Variants in KCNK10 observed in about 807,000 individuals in gnomAD.
KCNK10 encodes the protein potassium channel subfamily K member 10.
A neutral mutation model predicts 47.7 loss-of-function variants in KCNK10; 25 were observed. That is an observed-to-expected ratio of 0.52 (90% CI 0.38 to 0.73). KCNK10 has a LOEUF of 0.73. Ranked by LOEUF, KCNK10 falls within the 30% of genes least tolerant of loss-of-function variation. The pLI, the probability that KCNK10 is intolerant of heterozygous loss-of-function variation, is 0.00. For missense variants in KCNK10, 563 were observed against 714.5 expected, an observed-to-expected ratio of 0.79 and a Z score of 2.42; for synonymous variants, 303 against 285.6, an observed-to-expected ratio of 1.06 and a Z score of -0.61.
intron 1 of KCNK10, among the ~76,000 whole-genome samples, chr14:88,306,735 A>C (rs936466848): frequency 1.1e-4 from 16 of 152,186 alleles, no homozygotes; most frequent in African/African-American, 3.9e-4. Flanking sequence ...ATAGTGTTTC[A>C]TTACAATCTA....
At chr14:88,310,629 A>G (rs1047265381) in intron 1 of KCNK10, among the ~76,000 whole-genome samples, 7 of 152,160 alleles carry the variant, frequency 4.6e-5, no homozygotes, top group African/African-American at 1.7e-4. Flanking sequence ...CTCCTATAGA[A>G]ACTGCGTTCT....
intron 4 of KCNK10, among the ~76,000 whole-genome samples, chr14:88,204,800 C>T (rs1885212948): frequency 1.3e-5 from 2 of 152,118 alleles, no homozygotes; most frequent in Non-Finnish European, 2.9e-5. Context: ...TCCCATATAG[C>T]CCCCGCCCCA....
intron 2 of KCNK10, among the ~76,000 whole-genome samples, chr14:88,252,369 G>A (rs1046048564): frequency 9.9e-5 from 15 of 152,130 alleles, no homozygotes; most frequent in African/African-American, 3.4e-4. Flanking sequence ...AGCACAGTAG[G>A]CAATCAACAA....
At chr14:88,247,793 C>T (rs151039209) in intron 2 of KCNK10, among the ~76,000 whole-genome samples, 2 of 152,122 alleles carry the variant, frequency 1.3e-5, no homozygotes, top group African/African-American at 2.4e-5. Context: ...TATTCACTAA[C>T]GACTAATCTA....
rs35179933 is a variant in KCNK10, at chr14:88,322,408, G to GACAC, written c.52+335_52+338dup. The stretch of plus-strand genomic sequence containing the variant: ...GAGACAAAGATCACCAGAAACAAAG[G>GACAC]ACACACACACACACACACACACACA... On this transcript the variant is annotated intron_variant, in intron 1 of 6. Transcript: ENST00000319231. The surrounding 1 kb of genome is among the most constrained non-coding windows in gnomAD (Gnocchi z 4.8). Among the ~76,000 whole-genome samples, 5,159 of 150,104 alleles carry GACAC rather than the reference G, an allele frequency of 0.034. 130 individuals carry two copies. Among genetic ancestry groups the GACAC allele is most frequent in the African/African-American group, 0.076 (3,115 of 40,746 alleles).
rs1884434631 is a variant in KCNK10 at position 88,183,447 on chromosome 14, T to A, written c.*2088A>T. The A allele has an allele frequency of 6.6e-6, 1 of 152,418 alleles. No individual in the cohort carries two copies. Among genetic ancestry groups the A allele is most frequent in the Non-Finnish European group, 1.5e-5 (1 of 68,064 alleles). The allele number at this position is 152,418 out of a possible 1,614,324, so 9.4% of individuals were successfully genotyped here. A position where few individuals can be genotyped will look rare whatever the true frequency, so the allele number is the denominator to read the frequency against. Reference sequence around the variant, plus strand: ...TCCATGGACAGTTTAATTAGGAAGCTTCGACTTGTTAGAATAACAGAGGAA... The same window carrying A: ...TCCATGGACAGTTTAATTAGGAAGCATCGACTTGTTAGAATAACAGAGGAA... On this transcript the variant is annotated 3_prime_UTR_variant, in exon 7 of 7. Transcript: ENST00000319231.
intron 4 of KCNK10, among the ~76,000 whole-genome samples, chr14:88,202,156 A>G (rs17124250): frequency 0.022 from 3,292 of 152,284 alleles, 66 homozygotes; most frequent in African/African-American, 0.046. Flanking sequence ...ATGTTAGGAG[A>G]AAGATTAGAA....
chr14:88,191,278 A>AC (rs1884739014), intron 5 of KCNK10, among the ~76,000 whole-genome samples: 1 of 150,884 alleles, frequency 6.6e-6, no homozygotes, highest in Non-Finnish European at 1.5e-5. Flanking sequence ...AACAAAAACA[A>AC]AAAAAAACAG....
chr14:88,211,561 G>C (rs552924226), intron 4 of KCNK10, among the ~76,000 whole-genome samples: 2 of 152,268 alleles, frequency 1.3e-5, no homozygotes, highest in African/African-American at 4.8e-5. Context: ...CTTGAAGCAG[G>C]CTCTAAAGTA....
chr14:88,272,480 A>AT (rs1226334923), intron 1 of KCNK10, among the ~76,000 whole-genome samples: 2 of 152,018 alleles, frequency 1.3e-5, no homozygotes, highest in African/African-American at 4.8e-5. Context: ...CGGAACAGCA[A>AT]TGGGGGGGCA....
intron 1 of KCNK10, among the ~76,000 whole-genome samples, chr14:88,274,833 A>C (rs1457015839): frequency 1.3e-5 from 2 of 152,094 alleles, no homozygotes; most frequent in African/African-American, 4.8e-5. Flanking sequence ...ACCAATCTCC[A>C]CACCCCACAT....
chr14:88,296,312 C>T (rs1887983234), intron 1 of KCNK10, among the ~76,000 whole-genome samples: 1 of 152,200 alleles, frequency 6.6e-6, no homozygotes, highest in Non-Finnish European at 1.5e-5. Context: ...AAGTTTTTTA[C>T]CCTCTCTGAG....
Position 88,322,689 on chromosome 14 carries a change from C to T in KCNK10, c.52+58G>A, listed in dbSNP as rs372462277. 1.2e-5 allele frequency: 20 copies of T among 1,608,014 alleles called. No homozygotes were observed. In the African/African-American group the frequency reaches 2.7e-4, roughly 22 times the overall value. ...GCAAGAGTGCTTCCACTCAAGGAAG[C>T]GCGCACACGCCGGAGACAGAGGCAG... On this transcript the variant is annotated intron_variant, in intron 1 of 6. Coordinates refer to ENST00000319231, the MANE Select transcript of KCNK10 (RefSeq NM_138317.3). The surrounding 1 kb of genome is among the most constrained non-coding windows in gnomAD (Gnocchi z 4.8).
chr14:88,271,949 G>A (rs1887416351), intron 1 of KCNK10, among the ~76,000 whole-genome samples: 1 of 149,714 alleles, frequency 6.7e-6, no homozygotes, highest in Admixed American at 6.7e-5. Context: ...AAAGTCAGAA[G>A]CCTCTCCACT....
intron 2 of KCNK10, among the ~76,000 whole-genome samples, chr14:88,252,704 A>AT (rs1423698072): frequency 1.3e-5 from 2 of 152,174 alleles, no homozygotes; most frequent in Non-Finnish European, 2.9e-5. Context: ...CCACTAAAAC[A>AT]TGGTAGAGTC....
intron 1 of KCNK10, among the ~76,000 whole-genome samples, chr14:88,274,298 A>G (rs950245178): frequency 1.3e-5 from 2 of 152,026 alleles, no homozygotes; most frequent in Non-Finnish European, 2.9e-5. Flanking sequence ...CTGTGGATCT[A>G]CAGATCCACA....
At chr14:88,240,345 A>T (rs1886417356) in intron 3 of KCNK10, among the ~76,000 whole-genome samples, 2 of 152,248 alleles carry the variant, frequency 1.3e-5, no homozygotes, top group African/African-American at 4.8e-5. Context: ...ACTGTTTTTT[A>T]TAAAAAATTT....
At chr14:88,195,627 T>C (rs1240762041) in intron 4 of KCNK10, among the ~76,000 whole-genome samples, 1 of 152,194 alleles carries the variant, frequency 6.6e-6, no homozygotes, top group Non-Finnish European at 1.5e-5. Flanking sequence ...CCAACTCTGG[T>C]TTGAGCTCTC....
intron 2 of KCNK10, among the ~76,000 whole-genome samples, chr14:88,248,899 C>T (rs981157091): frequency 6.6e-6 from 1 of 152,160 alleles, no homozygotes; most frequent in Admixed American, 6.5e-5. Context: ...TCATAGCTGC[C>T]AGCACTTGCA....
Sources: allele counts gnomAD v4.1 joint callset (sites outside exome capture counted in the v4.1 genomes callset), GRCh38; gene constraint gnomAD v4.1.1; non-coding constraint Gnocchi (gnomAD v3.1); transcripts MANE v1.5; gene names NCBI Gene and HGNC (gene_info 2026-07-23, HGNC 2026-07-21).